The following PCDHGA4 variants were observed in gnomAD, a reference collection of about 807,000 sequenced individuals.
The protein encoded by PCDHGA4 is protocadherin gamma subfamily A, 4, also known as protocadherin gamma-A4.
Under a neutral mutation model 54.6 loss-of-function variants are expected in PCDHGA4, and 38 were observed. That is an observed-to-expected ratio of 0.70 (90% confidence interval 0.54 to 0.91). PCDHGA4 has a LOEUF of 0.91. Among genes scored for constraint, PCDHGA4 ranks in the 40% least tolerant of loss-of-function variants. The pLI, the probability that PCDHGA4 is intolerant of heterozygous loss-of-function variation, is 0.00. For synonymous variants in PCDHGA4, 511 were observed against 512.9 expected, an observed-to-expected ratio of 1.00 and a Z score of 0.05; for missense variants, 1,298 against 1,220.9, an observed-to-expected ratio of 1.06 and a Z score of -0.94.
intron 1 of PCDHGA4, among the ~76,000 whole-genome samples, chr5:141,451,365 G>C (rs557753113): frequency 2.0e-5 from 3 of 152,116 alleles, no homozygotes; most frequent in Non-Finnish European, 4.4e-5. Context: ...GGATGGATCC[G>C]CTTCTAATCT....
At chr5:141,364,475 GC>G in intron 1 of PCDHGA4, 1 of 1,614,016 alleles carries the variant, frequency 6.2e-7, no homozygotes, top group Non-Finnish European at 8.5e-7. Context: ...CGGCAACATA[GC>G]CAAGGACCTT....
In PCDHGA4 at chr5:141,387,872, G is replaced by T. The variant is rs1436610477; in HGVS notation, c.2514+30251G>T. ...TCTCCAGGCTGGTGAGCAAGCTGAG[G>T]AGAGCAAGAGGGATGGGGAGCGGCG... is the stretch of plus-strand genomic sequence containing the variant. On this transcript the variant is annotated intron_variant, in intron 1 of 3. Coordinates refer to ENST00000571252, the MANE Select transcript of PCDHGA4 (RefSeq NM_018917.4). The T allele has an allele frequency of 1.8e-5, 28 of 1,588,586 alleles. No homozygotes were observed. In the Admixed American group the frequency reaches 4.7e-4, roughly 26 times the overall value.
chr5:141,366,656 G>T lies in PCDHGA4; in HGVS notation c.2514+9035G>T, dbSNP rs377532961. On this transcript the variant is annotated intron_variant, in intron 1 of 3. Transcript: ENST00000571252. Reference sequence around the variant, plus strand: ...CCTGATCTTTCCCCAGCCCAACTACGCAGACACGCTCCTTAGTGAAGAGAG... The same window carrying T: ...CCTGATCTTTCCCCAGCCCAACTACTCAGACACGCTCCTTAGTGAAGAGAG... The T allele has an allele frequency of 2.9e-5, 47 of 1,614,238 alleles. No individual in the cohort carries two copies. Among genetic ancestry groups the T allele is most frequent in the Non-Finnish European group, 3.7e-5 (44 of 1,180,046 alleles).
chr5:141,475,990 A>T, intron 1 of PCDHGA4: 1 of 1,140,672 alleles, frequency 8.8e-7, no homozygotes, highest in Non-Finnish European at 1.2e-6. Context: ...CGGCGAGCAA[A>T]TCAACGGCAT....
chr5:141,370,490 G>A (rs780342479), intron 1 of PCDHGA4: 48 of 1,613,776 alleles, frequency 3.0e-5, no homozygotes, highest in Non-Finnish European at 4.0e-5. Context: ...TCTCCGAACC[G>A]ATCCGCTACG....
At chr5:141,450,080 C>G (rs140080701) in intron 1 of PCDHGA4, among the ~76,000 whole-genome samples, 6,313 of 144,358 alleles carry the variant, frequency 0.044, 398 homozygotes, top group Admixed American at 0.19. Context: ...GATCTTGGCT[C>G]ACTGCAACCT....
At position 141,355,503 on chromosome 5, in the gene PCDHGA4, C is replaced by G; in HGVS notation, c.396C>G (p.Asn132Lys). 2 of 1,614,064 alleles carry G rather than the reference C, an allele frequency of 1.2e-6. No individual in the cohort carries two copies. Among genetic ancestry groups the G allele is most frequent in the Non-Finnish European group, 1.7e-6 (2 of 1,179,906 alleles). Residue 132 changes from asparagine (N) to lysine (K), a missense_variant, in exon 1 of 4, where the codon AAC (asparagine) becomes AAG (lysine). By Grantham distance (94) the Asn-to-Lys change is moderately conservative. Coordinates refer to ENST00000571252, the MANE Select transcript of PCDHGA4 (RefSeq NM_018917.4). ...AGGAGCTCTGCGACAGATCTCCAAA[C>G]TGTGTGACAAACCTGGAGATTCTTC... ...DREELCDRSPNCVTNLEILLE... is the reference protein window; with the variant it reads ...DREELCDRSPKCVTNLEILLE...
chr5:141,465,778 A>G (rs544366126), intron 1 of PCDHGA4, among the ~76,000 whole-genome samples: 1 of 148,538 alleles, frequency 6.7e-6, no homozygotes, highest in East Asian at 1.9e-4. Context: ...CTCTTGTTAC[A>G]GTTTTTTTTT....
At position 141,357,084 on chromosome 5, in the gene PCDHGA4, C is replaced by G. The variant is rs1399515564; in HGVS notation, c.1977C>G (p.Thr659=). 3.1e-6 allele frequency: 5 copies of G among 1,613,794 alleles called. No homozygotes were observed. The highest frequency in any genetic ancestry group is 1.7e-5 in the Admixed American group (1 of 60,008). Residue 659 remains threonine (T), a synonymous_variant, in exon 1 of 4, where the codon ACC becomes ACG. Coordinates refer to ENST00000571252, the MANE Select transcript of PCDHGA4 (RefSeq NM_018917.4). ...GGCTGCACACAGGCGAGGTGCGCAC[C>G]GCACGGGCCCTGCTGGACAGAGACG... ...AVGLHTGEVR[T]ARALLDRDAL...
chr5:141,374,153 T>TG (rs1373211276), intron 1 of PCDHGA4: 5 of 1,612,056 alleles, frequency 3.1e-6, no homozygotes, highest in African/African-American at 2.7e-5. Flanking sequence ...GGGGACGCTG[T>TG]GGGGGGCCGC....
In PCDHGA4 at chr5:141,487,135, A is replaced by T; in HGVS notation, c.2515-7672A>T. 6.2e-7 allele frequency: 1 copy of T among 1,613,544 alleles called. No individual in the cohort carries two copies. The highest frequency in any genetic ancestry group is 8.5e-7 in the Non-Finnish European group (1 of 1,179,856). ...TGGTAAAGGATAGTGGTAGTCCACC[A>T]CTCTCTACCTCTGTTACTCTCTTAG... On this transcript the variant is annotated intron_variant, in intron 1 of 3. Transcript: ENST00000571252. The surrounding 1 kb of genome is among the most constrained non-coding windows in gnomAD (Gnocchi z 5.0).
rs775775135 is a variant in PCDHGA4 at position 141,400,234 on chromosome 5, G to GTTGCCTTGCGCCTCC, written c.2514+42614_2514+42615insTGCCTTGCGCCTCCT. The GTTGCCTTGCGCCTCC allele has an allele frequency of 3.1e-6, 5 of 1,613,868 alleles. No homozygotes were observed. In the East Asian group the frequency reaches 1.1e-4, roughly 36 times the overall value. On this transcript the variant is annotated intron_variant, in intron 1 of 3. Transcript: ENST00000571252. ...GATCTCAGTGCTCTTCCTCCTGGCC[G>GTTGCCTTGCGCCTCC]TGATTCTGGCCGTTGCCTTGCGCCT...
intron 2 of PCDHGA4, among the ~76,000 whole-genome samples, chr5:141,504,443 A>C (rs1043353401): frequency 2.0e-5 from 3 of 152,070 alleles, no homozygotes; most frequent in African/African-American, 4.8e-5. Context: ...CAGTGTGACT[A>C]GTGCCATGTG....
At chr5:141,478,788 T>A (rs576491824) in intron 1 of PCDHGA4, 147 of 1,473,736 alleles carry the variant, frequency 1.0e-4, no homozygotes, top group Non-Finnish European at 1.3e-4. Context: ...CTAATTCACA[T>A]CCTCAGCACT....
chr5:141,494,929 GGA>G, intron 2 of PCDHGA4, 64 bp downstream of exon 2: 1 of 1,613,142 alleles, frequency 6.2e-7, no homozygotes, highest in Non-Finnish European at 8.5e-7. Flanking sequence ...TGACGTGGGA[GGA>G]GATGGGGGAG....
intron 1 of PCDHGA4, chr5:141,362,175 G>A (rs1354338158): frequency 1.9e-6 from 3 of 1,614,050 alleles, no homozygotes; most frequent in South Asian, 1.1e-5. Context: ...ACCGCCGGGA[G>A]CCCTCTGACC....
intron 2 of PCDHGA4, among the ~76,000 whole-genome samples, chr5:141,499,192 C>T (rs1048812227): frequency 1.1e-4 from 17 of 152,106 alleles, no homozygotes; most frequent in South Asian, 2.1e-4. Flanking sequence ...CCATTTCCCC[C>T]TTCTTAGGCT....
intron 2 of PCDHGA4, among the ~76,000 whole-genome samples, chr5:141,503,085 C>T (rs1284066265): frequency 6.6e-6 from 1 of 152,044 alleles, no homozygotes; most frequent in Non-Finnish European, 1.5e-5. Context: ...GATCTCCTGA[C>T]CTCGTGGTCT....
At chr5:141,389,571 C>T (rs2091830159) in intron 1 of PCDHGA4, 2 of 1,613,136 alleles carry the variant, frequency 1.2e-6, no homozygotes, top group East Asian at 2.2e-5. Context: ...GGTGCTGTAC[C>T]CCGCGCTGGG....
Sources: gnomAD v4.1 joint callset for allele counts (sites outside exome capture counted in the v4.1 genomes callset) on GRCh38, gnomAD v4.1.1 for gene constraint, Gnocchi (gnomAD v3.1) non-coding constraint, MANE v1.5 for transcripts, NCBI Gene and HGNC (gene_info 2026-07-23, HGNC 2026-07-21) for gene names.